Variants in TNK2 observed in about 807,000 individuals in gnomAD.
The protein encoded by TNK2 is activated CDC42 kinase 1.
In TNK2, 83 loss-of-function variants were observed where a neutral mutation model predicts 101.8. The observed-to-expected ratio is 0.82, with a 90% CI of 0.68 to 0.98. The LOEUF (loss-of-function observed/expected upper bound fraction) is 0.98, where lower values mean the gene tolerates loss of function less well. TNK2 is among the 50% of genes least tolerant of loss of function. The pLI, the probability that TNK2 is intolerant of heterozygous loss-of-function variation, is 0.00. For synonymous variants in TNK2, 804 were observed against 633.0 expected (o/e 1.27, Z -4.06); for missense variants, 1,665 against 1,483.2 (o/e 1.12, Z -2.01).
At chr3:195,869,158 C>T in intron 12 of TNK2, 1 of 543,822 alleles carries the variant, frequency 1.8e-6, no homozygotes, top group Non-Finnish European at 3.3e-6. Context: ...TACTCCTGAC[C>T]AACGGCCACA....
intron 12 of TNK2, chr3:195,869,087 T>G (rs1038863147): frequency 1.3e-5 from 6 of 470,936 alleles, no homozygotes; most frequent in Non-Finnish European, 2.3e-5. Context: ...ACACCATTAG[T>G]GCAGGCACGG....
Position 195,885,205 on chromosome 3 carries a change from C to T in TNK2, c.235-172G>A. On this transcript the variant is annotated intron_variant, in intron 3 of 15. Transcript: ENST00000672887. This position sits in a 1 kb window ranked among gnomAD's most constrained non-coding sequence, Gnocchi z 4.7. ...CTGGAGGCCCACACTCCGTCCAGGG[C>T]ACACCCCCAAACATGAACCCAAAGC... 1.0e-6 allele frequency: 1 copy of T among 1,000,620 alleles called. No homozygotes were observed. The highest frequency in any genetic ancestry group is 1.4e-6 in the Non-Finnish European group (1 of 698,134). The allele number at this position is 1,000,620 out of a possible 1,614,324, so 62.0% of individuals were successfully genotyped here. A position where few individuals can be genotyped will look rare whatever the true frequency, so the allele number is the denominator to read the frequency against.
At chr3:195,880,713 G>C (rs1404186192) in intron 6 of TNK2, among the ~76,000 whole-genome samples, 2 of 85,234 alleles carry the variant, frequency 2.3e-5, no homozygotes, top group African/African-American at 5.6e-5. Context: ...ATCTATCCCT[G>C]TAACACCCCC....
chr3:195,865,671 C>A (rs1473406988), intron 15 of TNK2, among the ~76,000 whole-genome samples: 3 of 150,564 alleles, frequency 2.0e-5, no homozygotes, highest in Non-Finnish European at 3.0e-5. Context: ...AGAGTGCCTG[C>A]GTCCCAGGTG....
At chr3:195,896,500 A>C (rs1760541163) in intron 1 of TNK2, among the ~76,000 whole-genome samples, 1 of 152,218 alleles carries the variant, frequency 6.6e-6, no homozygotes, top group Non-Finnish European at 1.5e-5. Flanking sequence ...TATGCTGTAC[A>C]GAAGCTCCTC....
At chr3:195,907,927 T>TG (rs1761907311) in intron 1 of TNK2, 1 of 152,306 alleles carries the variant, frequency 6.6e-6, no homozygotes, top group African/African-American at 2.4e-5. Flanking sequence ...TCCTTGGCTC[T>TG]GGGCCCTCAG....
At chr3:195,876,511 G>A (rs1483063160) in intron 9 of TNK2, 3 of 456,816 alleles carry the variant, frequency 6.6e-6, no homozygotes, top group Admixed American at 2.3e-5. Flanking sequence ...TTCAGGGACT[G>A]AAGAAACAAG....
chr3:195,873,962 G>A (rs1747301879), intron 9 of TNK2, among the ~76,000 whole-genome samples: 1 of 152,182 alleles, frequency 6.6e-6, no homozygotes, highest in Non-Finnish European at 1.5e-5. Context: ...AGGAAGGAGA[G>A]AGGACAGTAC....
intron 15 of TNK2, 78 bp from the exon 16 acceptor site, chr3:195,864,265 G>C: frequency 2.5e-6 from 4 of 1,568,916 alleles, no homozygotes; most frequent in Non-Finnish European, 3.5e-6. Context: ...GGTCACACTG[G>C]TGCCAGGCAA....
At chr3:195,875,329 A>G (rs1403094003) in intron 9 of TNK2, among the ~76,000 whole-genome samples, 1 of 27,540 alleles carries the variant, frequency 3.6e-5, no homozygotes, top group Non-Finnish European at 5.5e-5. Flanking sequence ...GAGGCACAAG[A>G]AACTCCCCCT....
chr3:195,886,239 C>A lies in TNK2; in HGVS notation c.234+738G>T, dbSNP rs1000484620. 7.9e-5 allele frequency: 12 copies of A among 152,860 alleles called. No homozygotes were observed. Among genetic ancestry groups the A allele is most frequent in the African/African-American group, 2.9e-4 (12 of 41,568 alleles). 9.5% of individuals were successfully genotyped at this position (152,860 alleles called of 1,614,324 possible). ...CTTCCCTAAAACCCGGGCAAAGGAC[C>A]AGGACAGTGTTTCCAGGAAAAGCCA... On this transcript the variant is annotated intron_variant, in intron 3 of 15. Coordinates refer to ENST00000672887, the MANE Select transcript of TNK2 (RefSeq NM_001382273.1). The surrounding 1 kb of genome is among the most constrained non-coding windows in gnomAD (Gnocchi z 4.2).
chr3:195,900,117 C>A (rs918637213), intron 1 of TNK2, among the ~76,000 whole-genome samples: 1 of 152,168 alleles, frequency 6.6e-6, no homozygotes, highest in African/African-American at 2.4e-5. Flanking sequence ...GTCCCTCAGG[C>A]AGAGGGAGAG....
chr3:195,890,318 G>C (rs1012405328), intron 1 of TNK2, among the ~76,000 whole-genome samples: 2 of 152,188 alleles, frequency 1.3e-5, no homozygotes, highest in Non-Finnish European at 2.9e-5. Context: ...GCGTGAGCTA[G>C]CCTGCAATGC....
At position 195,867,490 on chromosome 3, in the gene TNK2, G is replaced by A. The variant is rs576685221; in HGVS notation, c.2808C>T (p.Ala936=). ...GGTTGCTGTTGTTGGTGGAGAAGTT[G>A]GCCTTGGGGTCCAAGGCAGCCTGGG... The part of the protein sequence containing the change: ...PMPQAALDPK[A]NFSTNNSNPG... Residue 936 remains alanine (A), a synonymous_variant, in exon 13 of 16, where the codon GCC becomes GCT. Coordinates refer to ENST00000672887, the MANE Select transcript of TNK2 (RefSeq NM_001382273.1). 17 of 1,572,758 alleles carry A rather than the reference G, an allele frequency of 1.1e-5. No homozygotes were observed. The Admixed American group carries it at 2.3e-4, about 21-fold the overall frequency.
Position 195,872,433 on chromosome 3 carries a change from T to G in TNK2, c.1294A>C (p.Thr432Pro). The stretch of plus-strand genomic sequence containing the variant: ...CGAGGGAAGGGCCCCACACACAGCG[T>G]CCGTGTGTTCTGGCCACGCCACCAG... ...NYWWRGQNTR[T>P]LCVGPFPRNV... The change falls in exon 10 of 16, where the codon ACG becomes CCG. Residue 432 changes from threonine (T) to proline (P), a missense_variant. By Grantham distance (38) the Thr-to-Pro change is conservative (BLOSUM62 -1). Coordinates refer to ENST00000672887, the MANE Select transcript of TNK2 (RefSeq NM_001382273.1). The G allele has an allele frequency of 6.2e-7, 1 of 1,610,488 alleles. No homozygotes were observed. Among genetic ancestry groups the G allele is most frequent in the Non-Finnish European group, 8.5e-7 (1 of 1,178,286 alleles).
In TNK2 at chr3:195,867,590, A is replaced by C; in HGVS notation, c.2708T>G (p.Leu903Arg). ...TGGGGGCAGCAGCAGAGGCACAGGCAGGGGGGTAGGCTCCTCGGGGCTCTG... is the reference window on the plus strand; with the variant it reads ...TGGGGGCAGCAGCAGAGGCACAGGCCGGGGGGTAGGCTCCTCGGGGCTCTG... The part of the protein sequence containing the change: ...EAQSPEEPTP[L>R]PVPLLLPPPS... Residue 903 changes from leucine to arginine, a missense_variant, in exon 13 of 16, where the codon CTG becomes CGG. This residue lies in a region of TNK2 where 1,136 missense variants were observed against 894.9 expected (regional missense o/e 1.27). Coordinates refer to ENST00000672887, the MANE Select transcript of TNK2 (RefSeq NM_001382273.1). 1 of 1,590,150 alleles carries C rather than the reference A, an allele frequency of 6.3e-7. No homozygotes were observed. Among genetic ancestry groups the C allele is most frequent in the Non-Finnish European group, 8.5e-7 (1 of 1,175,954 alleles).
intron 4 of TNK2, 178 bp downstream of exon 4, chr3:195,884,634 A>T: frequency 3.4e-6 from 2 of 585,958 alleles, no homozygotes; most frequent in Non-Finnish European, 5.9e-6. Flanking sequence ...ACAGAGCGAG[A>T]CTCCATCTCA....
intron 9 of TNK2, among the ~76,000 whole-genome samples, chr3:195,874,032 C>T (rs933424602): frequency 6.6e-6 from 1 of 152,138 alleles, no homozygotes; most frequent in Admixed American, 6.5e-5. Context: ...AGCAGAGCCC[C>T]GGCTCCCCAG....
At chr3:195,891,518 G>A (rs1182618044) in intron 1 of TNK2, among the ~76,000 whole-genome samples, 1 of 152,238 alleles carries the variant, frequency 6.6e-6, no homozygotes, top group Non-Finnish European at 1.5e-5. Flanking sequence ...TACAAAACAA[G>A]AGGCGTGGGG....
Sources: allele counts gnomAD v4.1 joint callset (sites outside exome capture counted in the v4.1 genomes callset), GRCh38; gene constraint gnomAD v4.1.1; regional missense constraint gnomAD v4.1.1; non-coding constraint Gnocchi (gnomAD v3.1); transcripts MANE v1.5; gene names NCBI Gene and HGNC (gene_info 2026-07-23, HGNC 2026-07-21).